Variants in POFUT3 observed in about 807,000 individuals in gnomAD.
POFUT3 encodes protein O-fucosyltransferase 3.
the POFUT3 span, among the ~76,000 whole-genome samples, chr8:33,359,991 G>A: frequency 6.6e-6 from 1 of 151,982 alleles, no homozygotes; most frequent in Non-Finnish European, 1.5e-5. Context: ...GGGCAAAAGA[G>A]CAAGACTCCA....
chr8:33,459,636 T>C, the POFUT3 span, among the ~76,000 whole-genome samples: 1 of 147,432 alleles, frequency 6.8e-6, no homozygotes, highest in Admixed American at 6.7e-5. Flanking sequence ...AGAGTGAAAC[T>C]GTCTCAAAAA....
the POFUT3 span, among the ~76,000 whole-genome samples, chr8:33,401,059 C>CA: frequency 6.6e-6 from 1 of 152,106 alleles, no homozygotes; most frequent in Non-Finnish European, 1.5e-5. Context: ...CAGCTCACTG[C>CA]AAAACCTCTG....
At chr8:33,390,203 C>T in the POFUT3 span, among the ~76,000 whole-genome samples, 204 of 145,988 alleles carry the variant, frequency 1.4e-3, no homozygotes, top group African/African-American at 5.3e-3. Flanking sequence ...GTGTGTGTGT[C>T]ATACACACAC....
chr8:33,359,078 C>A, the POFUT3 span, among the ~76,000 whole-genome samples: 14 of 152,060 alleles, frequency 9.2e-5, no homozygotes, highest in African/African-American at 3.4e-4. Context: ...AGACAAATCA[C>A]AGAAGATGGA....
At chr8:33,315,689 T>C in the POFUT3 span, among the ~76,000 whole-genome samples, 1 of 152,152 alleles carries the variant, frequency 6.6e-6, no homozygotes, top group Non-Finnish European at 1.5e-5. Flanking sequence ...TTGTTCCAGC[T>C]GTTCCTGGAG....
At chr8:33,432,453 A>T in the POFUT3 span, among the ~76,000 whole-genome samples, 5 of 152,014 alleles carry the variant, frequency 3.3e-5, no homozygotes, top group South Asian at 1.0e-3. Context: ...AAAAAACAAC[A>T]CAAGTTCCCA....
chr8:33,345,473 T>G, the POFUT3 span, among the ~76,000 whole-genome samples: 4 of 151,028 alleles, frequency 2.6e-5, no homozygotes, highest in African/African-American at 9.8e-5. Context: ...CAATCTCAGC[T>G]TATTGCAACC....
the POFUT3 span, among the ~76,000 whole-genome samples, chr8:33,426,199 C>T: frequency 1.3e-5 from 2 of 152,246 alleles, no homozygotes. Flanking sequence ...GCCACCATGC[C>T]CAGCCTGAAG....
At chr8:33,430,388 C>A in the POFUT3 span, among the ~76,000 whole-genome samples, 6 of 152,082 alleles carry the variant, frequency 3.9e-5, no homozygotes, top group Non-Finnish European at 7.4e-5. Flanking sequence ...AGAGTGTGAT[C>A]GTTTGCCTTT....
At chr8:33,388,329 C>CTTTT in the POFUT3 span, among the ~76,000 whole-genome samples, 116 of 83,874 alleles carry the variant, frequency 1.4e-3, 1 homozygote, top group South Asian at 3.5e-3. Flanking sequence ...AAGCAGAACT[C>CTTTT]TTTTTTTTTT....
At chr8:33,309,179 T>A in the POFUT3 span, among the ~76,000 whole-genome samples, 12 of 105,324 alleles carry the variant, frequency 1.1e-4, no homozygotes, top group Non-Finnish European at 2.0e-4. Context: ...TATATATATA[T>A]ATATATATAT....
chr8:33,329,357 A>G, the POFUT3 span, among the ~76,000 whole-genome samples: 1 of 152,240 alleles, frequency 6.6e-6, no homozygotes, highest in African/African-American at 2.4e-5. Context: ...TTTCAAATAC[A>G]TTTCCAGAAA....
the POFUT3 span, among the ~76,000 whole-genome samples, chr8:33,437,427 A>G: frequency 2.6e-5 from 4 of 151,768 alleles, no homozygotes; most frequent in African/African-American, 4.8e-5. Context: ...CTTTCAAGAC[A>G]CTTTTATTGG....
At chr8:33,443,336 C>A in the POFUT3 span, among the ~76,000 whole-genome samples, 1 of 152,000 alleles carries the variant, frequency 6.6e-6, no homozygotes, top group African/African-American at 2.4e-5. Context: ...TTTTTTCAGG[C>A]CTATAACATA....
At chr8:33,454,958 G>A in the POFUT3 span, among the ~76,000 whole-genome samples, 2 of 151,970 alleles carry the variant, frequency 1.3e-5, no homozygotes, top group Non-Finnish European at 2.9e-5. Flanking sequence ...GAGCCACCAC[G>A]CCCAGCCAGT....
the POFUT3 span, among the ~76,000 whole-genome samples, chr8:33,408,109 A>C: frequency 6.6e-6 from 1 of 151,822 alleles, no homozygotes; most frequent in Non-Finnish European, 1.5e-5. Context: ...GGATCACTTG[A>C]GGTCAGGAGT....
chr8:33,390,548 C>CAA, the POFUT3 span, among the ~76,000 whole-genome samples: 144 of 87,794 alleles, frequency 1.6e-3, 4 homozygotes, highest in Middle Eastern at 0.011. Flanking sequence ...TGATTAACTG[C>CAA]AAAAAAAAAA....
At chr8:33,318,024 G>T in the POFUT3 span, among the ~76,000 whole-genome samples, 1 of 152,096 alleles carries the variant, frequency 6.6e-6, no homozygotes, top group Non-Finnish European at 1.5e-5. Flanking sequence ...CAATTTCAAA[G>T]AAATGCCTTT....
the POFUT3 span, among the ~76,000 whole-genome samples, chr8:33,316,362 A>G: frequency 6.6e-6 from 1 of 152,062 alleles, no homozygotes; most frequent in Admixed American, 6.6e-5. Context: ...CTGAGGTTGC[A>G]TCTATGGTTA....
Sources: gnomAD v4.1 joint callset for allele counts (sites outside exome capture counted in the v4.1 genomes callset) on GRCh38, gnomAD v4.1.1 for gene constraint, MANE v1.5 for transcripts, NCBI Gene and HGNC (gene_info 2026-07-23, HGNC 2026-07-21) for gene names.